The following FMNL2 variants were observed in gnomAD, a reference collection of about 807,000 sequenced individuals.
FMNL2 encodes the protein formin like 2, also known as formin-like protein 2.
In FMNL2, 51 loss-of-function variants were observed where a neutral mutation model predicts 130.2. That is an observed-to-expected ratio of 0.39 (90% CI 0.31 to 0.49). The LOEUF is 0.49. Ranked by LOEUF, FMNL2 falls within the 20% of genes least tolerant of loss-of-function variation. The probability of loss-of-function intolerance (pLI) is 0.85; values close to 1 mark genes in which losing one functional copy is unlikely to be tolerated. For missense variants in FMNL2, 977 were observed against 1,316.2 expected (o/e 0.74, Z 3.99); for synonymous variants, 465 against 467.1 (o/e 1.00, Z 0.06).
At chr2:152,523,879 T>G (rs1163197649) in intron 2 of FMNL2, among the ~76,000 whole-genome samples, 2 of 152,172 alleles carry the variant, frequency 1.3e-5, no homozygotes, top group African/African-American at 4.8e-5. Context: ...GAAACGTGCT[T>G]ATTGAAAACA....
At chr2:152,581,229 T>C (rs1696761103) in intron 9 of FMNL2, among the ~76,000 whole-genome samples, 180 bp downstream of exon 9, 2 of 152,246 alleles carry the variant, frequency 1.3e-5, no homozygotes, top group Non-Finnish European at 2.9e-5. Context: ...ATTTCTAGGA[T>C]AAGTTAAAAA....
At chr2:152,462,462 T>C (rs1198297231) in intron 1 of FMNL2, among the ~76,000 whole-genome samples, 2 of 152,242 alleles carry the variant, frequency 1.3e-5, no homozygotes, top group Non-Finnish European at 2.9e-5. Flanking sequence ...TTGATGGAGA[T>C]GACCTAGTCA....
At chr2:152,526,546 T>TCCTCCC (rs1240051456) in intron 2 of FMNL2, among the ~76,000 whole-genome samples, 6 of 152,240 alleles carry the variant, frequency 3.9e-5, no homozygotes, top group African/African-American at 1.4e-4. Context: ...CCTCTCCTTC[T>TCCTCCC]CCTCCCTTCC....
chr2:152,642,883 T>G (rs1251119255), intron 25 of FMNL2, among the ~76,000 whole-genome samples: 3 of 151,844 alleles, frequency 2.0e-5, no homozygotes, highest in Non-Finnish European at 4.4e-5. Flanking sequence ...GTGGCTGGTG[T>G]CTGTAATCCC....
intron 22 of FMNL2, 133 bp downstream of exon 22, chr2:152,636,723 T>C (rs1244451031): frequency 1.8e-6 from 2 of 1,100,128 alleles, no homozygotes; most frequent in East Asian, 2.6e-5. Context: ...GTTGTAACTA[T>C]TATTTATTAC....
At chr2:152,568,518 G>C (rs75545508) in intron 6 of FMNL2, among the ~76,000 whole-genome samples, 2 of 152,014 alleles carry the variant, frequency 1.3e-5, no homozygotes, top group Non-Finnish European at 2.9e-5. Context: ...AGTGCTTGGT[G>C]CTTTACATGT....
At position 152,629,531 on chromosome 2, in the gene FMNL2, C is replaced by T. The variant is rs553213922; in HGVS notation, c.2401-125C>T. The T allele has an allele frequency of 4.9e-5, 39 of 802,208 alleles. No homozygotes were observed. The East Asian group carries it at 8.3e-4, about 17-fold the overall frequency. The allele number at this position is 802,208 out of a possible 1,614,324, so 49.7% of individuals were successfully genotyped here. The stretch of plus-strand genomic sequence containing the variant: ...GTTATACTTAGAAAAAGTAGACTCT[C>T]ACCATGAAGCCTGTATGCTCTAAAT... On this transcript the variant is annotated intron_variant, in intron 18 of 25. Coordinates refer to ENST00000288670, the MANE Select transcript of FMNL2 (RefSeq NM_052905.4).
chr2:152,389,675 C>T (rs906973833), intron 1 of FMNL2, among the ~76,000 whole-genome samples: 5 of 152,318 alleles, frequency 3.3e-5, no homozygotes, highest in African/African-American at 9.6e-5. Context: ...CGAGCCGGCG[C>T]GATGGGCGGA....
At chr2:152,377,984 T>C (rs565388095) in intron 1 of FMNL2, among the ~76,000 whole-genome samples, 33 of 152,082 alleles carry the variant, frequency 2.2e-4, no homozygotes, top group African/African-American at 7.9e-4. Context: ...TGGTGGCACA[T>C]GCCTGTAGTC....
At chr2:152,473,077 CTG>C (rs975414090) in intron 1 of FMNL2, among the ~76,000 whole-genome samples, 2 of 152,092 alleles carry the variant, frequency 1.3e-5, no homozygotes, top group Non-Finnish European at 2.9e-5. Context: ...GTTTTGGAAT[CTG>C]TTTATTAGGT....
In FMNL2 at chr2:152,640,070, C is replaced by T. The variant is rs371986410; in HGVS notation, c.3045+14C>T. On this transcript the variant is annotated intron_variant, in intron 24 of 25. Transcript: ENST00000288670. ...CAGGATCCAAAGGTAAGAAGTGCCG[C>T]ACTCATGAGACAGGTCCGTGAGGAG... 69 of 1,541,376 alleles carry T rather than the reference C, an allele frequency of 4.5e-5. No individual in the cohort carries two copies. Among genetic ancestry groups the T allele is most frequent in the Non-Finnish European group, 4.8e-5 (55 of 1,143,692 alleles).
At chr2:152,498,500 A>G (rs1167403021) in intron 1 of FMNL2, among the ~76,000 whole-genome samples, 3 of 152,150 alleles carry the variant, frequency 2.0e-5, no homozygotes, top group Non-Finnish European at 4.4e-5. Flanking sequence ...TTTTAAGGAT[A>G]TTCTTGAACC....
intron 18 of FMNL2, 55 bp downstream of exon 18, chr2:152,628,588 T>C (rs1370471109): frequency 2.7e-6 from 4 of 1,472,152 alleles, no homozygotes; most frequent in African/African-American, 1.4e-5. Context: ...GGAATCGTTA[T>C]TTTTTAAAGT....
intron 1 of FMNL2, among the ~76,000 whole-genome samples, chr2:152,517,536 A>G (rs1163281851): frequency 1.3e-5 from 2 of 152,210 alleles, no homozygotes; most frequent in African/African-American, 2.4e-5. Flanking sequence ...TTAGAGCCCA[A>G]TGAGAGGGTA....
chr2:152,449,705 G>A (rs1688528185), intron 1 of FMNL2, among the ~76,000 whole-genome samples: 1 of 152,156 alleles, frequency 6.6e-6, no homozygotes, highest in Non-Finnish European at 1.5e-5. Flanking sequence ...TAATGTAAGA[G>A]TTACGGCTTT....
At chr2:152,433,481 A>T (rs1041713157) in intron 1 of FMNL2, among the ~76,000 whole-genome samples, 2 of 152,132 alleles carry the variant, frequency 1.3e-5, no homozygotes, top group Non-Finnish European at 2.9e-5. Flanking sequence ...TTCTCTTCCC[A>T]CCACTGGACT....
intron 1 of FMNL2, among the ~76,000 whole-genome samples, chr2:152,443,152 C>T (rs137935556): frequency 3.4e-4 from 51 of 152,218 alleles, no homozygotes; most frequent in African/African-American, 1.1e-3. Context: ...GAGGTGAAGC[C>T]GGGGTTTCTG....
chr2:152,509,737 C>CTTTTTTTTTTTTTTTTTTT (rs138976882), intron 1 of FMNL2, among the ~76,000 whole-genome samples: 3 of 58,684 alleles, frequency 5.1e-5, no homozygotes, highest in African/African-American at 7.1e-5. Context: ...TACTCTGGAC[C>CTTTTTTTTTTTTTTTTTTT]TTTTTTTTTT....
At chr2:152,386,351 T>C (rs567165932) in intron 1 of FMNL2, among the ~76,000 whole-genome samples, 5 of 152,338 alleles carry the variant, frequency 3.3e-5, no homozygotes, top group African/African-American at 1.2e-4. Context: ...AAAGCTCTTA[T>C]AGAGACCCTG....
Sources: gnomAD v4.1 joint callset for allele counts (sites outside exome capture counted in the v4.1 genomes callset) on GRCh38, gnomAD v4.1.1 for gene constraint, MANE v1.5 for transcripts, NCBI Gene and HGNC (gene_info 2026-07-23, HGNC 2026-07-21) for gene names.